The following PREX2 variants were observed in gnomAD, a reference collection of about 807,000 sequenced individuals.
The protein encoded by PREX2 is phosphatidylinositol-3,4,5-trisphosphate dependent Rac exchange factor 2.
Under a neutral mutation model 203.2 loss-of-function variants are expected in PREX2, and 107 were observed. The ratio of observed to expected loss-of-function variants is 0.53; its 90% CI spans 0.45 to 0.62. The LOEUF (loss-of-function observed/expected upper bound fraction) is 0.62. Ranked by LOEUF, PREX2 falls within the 20% of genes least tolerant of loss-of-function variation. The probability of loss-of-function intolerance (pLI) is 0.00; values close to 1 mark genes in which losing one functional copy is unlikely to be tolerated. For synonymous variants in PREX2, 672 were observed against 663.6 expected (o/e 1.01, Z -0.19); for missense variants, 1,777 against 1,955.9 (o/e 0.91, Z 1.72).
chr8:68,231,328 T>C lies in PREX2; in HGVS notation c.4776-5T>C. On this transcript the variant is annotated splice_polypyrimidine_tract_variant and splice_region_variant and intron_variant, in intron 39 of 39. Coordinates refer to ENST00000288368, the MANE Select transcript of PREX2 (RefSeq NM_024870.4). ...CACTGTCAAACTTTACCATGCCTTT[T>C]CTAGGCTGTACAAGCTGTGCGAGCC... 6.3e-7 allele frequency: 1 copy of C among 1,588,930 alleles called. No individual in the cohort carries two copies. Among genetic ancestry groups the C allele is most frequent in the South Asian group, 1.2e-5 (1 of 85,480 alleles).
At chr8:68,136,014 T>C (rs1187513334) in intron 32 of PREX2, among the ~76,000 whole-genome samples, 1 of 152,180 alleles carries the variant, frequency 6.6e-6, no homozygotes, top group Non-Finnish European at 1.5e-5. Flanking sequence ...TGGTGAAATG[T>C]ACTAACTAGG....
At position 68,081,464 on chromosome 8, in the gene PREX2, T is replaced by G. The variant is rs573228477; in HGVS notation, c.1878+626T>G. ...TTGACCTTCTGGGAGGCCAAGTGGCTCATTCTTTGTCCCTGGAGCTTCACT... is the reference window on the plus strand; with the variant it reads ...TTGACCTTCTGGGAGGCCAAGTGGCGCATTCTTTGTCCCTGGAGCTTCACT... On this transcript the variant is annotated intron_variant, in intron 17 of 39. Coordinates refer to ENST00000288368, the MANE Select transcript of PREX2 (RefSeq NM_024870.4). 4.6e-5 allele frequency among the ~76,000 whole-genome samples: 7 copies of G among 152,256 alleles called. No homozygotes were observed. In the South Asian group the frequency reaches 1.5e-3, roughly 32 times the overall value.
intron 1 of PREX2, among the ~76,000 whole-genome samples, chr8:67,990,648 T>A (rs1806570789): frequency 6.6e-6 from 1 of 151,972 alleles, no homozygotes; most frequent in Non-Finnish European, 1.5e-5. Context: ...TAACTGAGAT[T>A]ACAGGTGCCC....
intron 7 of PREX2, among the ~76,000 whole-genome samples, chr8:68,040,175 C>T (rs1808154741): frequency 6.6e-6 from 1 of 152,096 alleles, no homozygotes; most frequent in Non-Finnish European, 1.5e-5. Context: ...ACTATAGGCG[C>T]ATGCTGCCAC....
intron 8 of PREX2, among the ~76,000 whole-genome samples, chr8:68,045,531 T>C (rs1217336038): frequency 6.6e-6 from 1 of 152,052 alleles, no homozygotes; most frequent in Non-Finnish European, 1.5e-5. Context: ...CTCAATACCA[T>C]TGTTAGCATC....
chr8:67,956,471 G>A (rs920073301), intron 1 of PREX2, among the ~76,000 whole-genome samples: 1 of 152,220 alleles, frequency 6.6e-6, no homozygotes, highest in African/African-American at 2.4e-5. Flanking sequence ...TGCAAATGAA[G>A]TCTGATGGGA....
chr8:68,099,666 G>A lies in PREX2; in HGVS notation c.2554-16G>A. ...TGTTTGTGTGTGTGGGTGTGCGTGT[G>A]TGTTTGTCATTGCAGATTCTTGAAG... On this transcript the variant is annotated splice_polypyrimidine_tract_variant and intron_variant, in intron 22 of 39. Coordinates refer to ENST00000288368, the MANE Select transcript of PREX2 (RefSeq NM_024870.4). 4 of 1,611,560 alleles carry A rather than the reference G, an allele frequency of 2.5e-6. No individual in the cohort carries two copies. The highest frequency in any genetic ancestry group is 3.4e-6 in the Non-Finnish European group (4 of 1,178,002).
At chr8:68,201,254 T>C (rs904593946) in intron 37 of PREX2, among the ~76,000 whole-genome samples, 6 of 152,164 alleles carry the variant, frequency 3.9e-5, no homozygotes, top group African/African-American at 1.4e-4. Context: ...ATCTCACCGA[T>C]GTAAATGATT....
chr8:68,060,919 T>G, intron 11 of PREX2, 140 bp downstream of exon 11: 1 of 594,804 alleles, frequency 1.7e-6, no homozygotes, highest in Non-Finnish European at 2.9e-6. Flanking sequence ...ACCTAATAAG[T>G]GTAGAACAGT....
intron 39 of PREX2, among the ~76,000 whole-genome samples, chr8:68,226,858 C>T (rs1489624563): frequency 6.6e-6 from 1 of 152,154 alleles, no homozygotes; most frequent in Non-Finnish European, 1.5e-5. Context: ...GAGAAGAGGT[C>T]ACAGAATACT....
intron 30 of PREX2, among the ~76,000 whole-genome samples, chr8:68,124,102 T>A (rs1810839099): frequency 6.6e-6 from 1 of 152,046 alleles, no homozygotes; most frequent in Non-Finnish European, 1.5e-5. Flanking sequence ...GGACGCAAAG[T>A]TGGTTCAACA....
At chr8:68,143,683 A>G (rs966897070) in intron 33 of PREX2, among the ~76,000 whole-genome samples, 1 of 152,116 alleles carries the variant, frequency 6.6e-6, no homozygotes, top group Admixed American at 6.6e-5. Context: ...TGCAGAACAG[A>G]AGTTTTACAT....
chr8:67,955,170 A>AAAAAAAC (rs1554556251), intron 1 of PREX2, among the ~76,000 whole-genome samples: 1 of 139,410 alleles, frequency 7.2e-6, no homozygotes, highest in African/African-American at 2.7e-5. Flanking sequence ...AAAAAAAAAA[A>AAAAAAAC]AGAAATCATA....
At chr8:67,965,472 A>G (rs1198823342) in intron 1 of PREX2, among the ~76,000 whole-genome samples, 1 of 151,270 alleles carries the variant, frequency 6.6e-6, no homozygotes, top group Non-Finnish European at 1.5e-5. Flanking sequence ...TATAATTAAC[A>G]TATGTAATTA....
chr8:68,146,321 G>T lies in PREX2; in HGVS notation c.4200G>T (p.Gly1400=). The T allele has an allele frequency of 2.5e-6, 4 of 1,612,856 alleles. No individual in the cohort carries two copies. The highest frequency in any genetic ancestry group is 2.2e-5 in the South Asian group (2 of 90,948). The part of the protein sequence containing the change: ...QLPQRLKNGG[G]FKIHPVLFAQ... ...CTCAACGGCTGAAAAATGGAGGAGG[G>T]TTTAAAATTCATCCTGTTCTTTTTG... is the stretch of plus-strand genomic sequence containing the variant. Residue 1400 remains glycine, a synonymous_variant, in exon 34 of 40, where the codon GGG becomes GGT. Coordinates refer to ENST00000288368, the MANE Select transcript of PREX2 (RefSeq NM_024870.4).
intron 18 of PREX2, among the ~76,000 whole-genome samples, chr8:68,084,961 A>G (rs1317273805): frequency 6.6e-6 from 1 of 152,170 alleles, no homozygotes; most frequent in Non-Finnish European, 1.5e-5. Flanking sequence ...AATAAATAGG[A>G]GCAAATCCTC....
chr8:68,173,578 T>C (rs937638834), intron 35 of PREX2, among the ~76,000 whole-genome samples: 4 of 152,216 alleles, frequency 2.6e-5, no homozygotes, highest in African/African-American at 9.6e-5. Flanking sequence ...TAAGAAGTTG[T>C]AATTATAACT....
At chr8:68,022,375 A>C (rs568564166) in intron 4 of PREX2, among the ~76,000 whole-genome samples, 74 of 152,236 alleles carry the variant, frequency 4.9e-4, no homozygotes, top group African/African-American at 1.7e-3. Flanking sequence ...GTGAGACCCC[A>C]CAGGTTCCTA....
chr8:67,990,322 T>G (rs1388777030), intron 1 of PREX2, among the ~76,000 whole-genome samples: 1 of 151,598 alleles, frequency 6.6e-6, no homozygotes, highest in Non-Finnish European at 1.5e-5. Context: ...TTGCTGGATA[T>G]GGGTGATGCT....
Sources: allele counts gnomAD v4.1 joint callset (sites outside exome capture counted in the v4.1 genomes callset), GRCh38; gene constraint gnomAD v4.1.1; transcripts MANE v1.5; gene names NCBI Gene and HGNC (gene_info 2026-07-23, HGNC 2026-07-21).